The following RBPJ variants were observed in gnomAD, a reference collection of about 807,000 sequenced individuals.
RBPJ encodes the protein recombining binding protein suppressor of hairless.
RBPJ carries 9 observed loss-of-function variants against 67.8 expected under a neutral mutation model. The observed-to-expected ratio is 0.13, with a 90% CI of 0.08 to 0.23. The LOEUF is 0.23. Ranked by LOEUF, RBPJ falls within the 10% of genes least tolerant of loss-of-function variation. The probability of loss-of-function intolerance (pLI) is 1.00; values close to 1 mark genes in which losing one functional copy is unlikely to be tolerated. For synonymous variants in RBPJ, 198 were observed against 203.3 expected, an observed-to-expected ratio of 0.97 and a Z score of 0.22; for missense variants, 305 against 595.6, an observed-to-expected ratio of 0.51 and a Z score of 5.08.
chr4:26,194,295 C>T (rs192063768), intron 1 of RBPJ, among the ~76,000 whole-genome samples: 10 of 152,232 alleles, frequency 6.6e-5, no homozygotes, highest in African/African-American at 9.6e-5. Context: ...ATTTGAGCCC[C>T]GGGTAAGAAA....
the RBPJ span, among the ~76,000 whole-genome samples, chr4:26,144,467 G>C: frequency 6.6e-6 from 1 of 151,602 alleles, no homozygotes; most frequent in African/African-American, 2.4e-5. Context: ...ATGGGTTTTC[G>C]CCTTGTTGGC....
Position 26,214,736 on chromosome 4 carries a change from AAG to A in RBPJ, c.-167+51132_-167+51133del, listed in dbSNP as rs1439635851. Among the ~76,000 whole-genome samples, 176 of 127,706 alleles carry A rather than the reference AAG, an allele frequency of 1.4e-3. 5 individuals are homozygous for A. Among genetic ancestry groups the A allele is most frequent in the African/African-American group, 4.9e-3 (162 of 33,346 alleles). 83.8% of individuals were successfully genotyped at this position (127,706 alleles called of 152,430 possible). A position where few individuals can be genotyped will look rare whatever the true frequency, so the allele number is the denominator to read the frequency against. On this transcript the variant is annotated intron_variant, in intron 1 of 4. Coordinates refer to the RBPJ transcript ENST00000512351. ...AGGAGAGAGAGAGAAAGAAAGAGGG[AAG>A]AGAGAGAGAAAGAGAAAAAGAGAGA...
chr4:26,385,822 A>C (rs1730859959), intron 1 of RBPJ, among the ~76,000 whole-genome samples: 1 of 145,644 alleles, frequency 6.9e-6, no homozygotes, highest in Non-Finnish European at 1.5e-5. Flanking sequence ...TATTTTTTTG[A>C]GACAGAGTCT....
At chr4:26,407,991 C>G (rs1427708372) in intron 3 of RBPJ, among the ~76,000 whole-genome samples, 1 of 147,392 alleles carries the variant, frequency 6.8e-6, no homozygotes, top group Non-Finnish European at 1.5e-5. Flanking sequence ...CCTCCCACCT[C>G]AGCCACCTGA....
the RBPJ span, among the ~76,000 whole-genome samples, chr4:26,124,481 C>T: frequency 1.6e-5 from 2 of 123,206 alleles, no homozygotes; most frequent in African/African-American, 3.1e-5. Context: ...TTTATCCACT[C>T]GTTGATTAAT....
chr4:26,147,660 G>T, the RBPJ span, among the ~76,000 whole-genome samples: 1 of 151,938 alleles, frequency 6.6e-6, no homozygotes, highest in Non-Finnish European at 1.5e-5. Context: ...TCGCTCTGTC[G>T]CAGGCTGGAG....
In RBPJ at chr4:26,195,146, A is replaced by T. The variant is rs555023283; in HGVS notation, c.-167+31532A>T. On this transcript the variant is annotated intron_variant, in intron 1 of 4. Transcript: ENST00000512351. ...AACACTGGGAGGTCAAGGTGGGAGG[A>T]TCCCTTGAAGCCGAGAGTTCAAGAC... Among the ~76,000 whole-genome samples, 9 of 152,312 alleles carry T rather than the reference A, an allele frequency of 5.9e-5. No individual in the cohort carries two copies. In the East Asian group the frequency reaches 1.5e-3, roughly 26 times the overall value.
intron 7 of RBPJ, among the ~76,000 whole-genome samples, chr4:26,426,241 T>C (rs1735658377): frequency 6.6e-6 from 1 of 152,212 alleles, no homozygotes; most frequent in African/African-American, 2.4e-5. Context: ...TGTTAAATGC[T>C]TGTACTGCAG....
chr4:26,201,384 A>T (rs544338773), intron 1 of RBPJ, among the ~76,000 whole-genome samples: 1 of 152,332 alleles, frequency 6.6e-6, no homozygotes, highest in Non-Finnish European at 1.5e-5. Context: ...ACTCAAGCAT[A>T]AAGAGCTTTA....
intron 1 of RBPJ, among the ~76,000 whole-genome samples, chr4:26,267,809 T>G (rs1204448660): frequency 6.6e-6 from 1 of 152,046 alleles, no homozygotes; most frequent in Non-Finnish European, 1.5e-5. Context: ...GGTTTCACCA[T>G]GTTAGCCAGG....
chr4:26,201,380 G>A (rs866518805), intron 1 of RBPJ, among the ~76,000 whole-genome samples: 2 of 152,136 alleles, frequency 1.3e-5, no homozygotes, highest in South Asian at 2.1e-4. Flanking sequence ...TGGTACTCAA[G>A]CATAAAGAGC....
At chr4:26,173,138 C>CT (rs1716656096) in intron 1 of RBPJ, among the ~76,000 whole-genome samples, 1 of 151,964 alleles carries the variant, frequency 6.6e-6, no homozygotes, top group African/African-American at 2.4e-5. Context: ...TTTTTTCTTT[C>CT]TTTTTTTCTT....
At chr4:26,402,662 G>A (rs1215015250) in intron 2 of RBPJ, among the ~76,000 whole-genome samples, 1 of 152,130 alleles carries the variant, frequency 6.6e-6, no homozygotes, top group Non-Finnish European at 1.5e-5. Flanking sequence ...CCTGAGGCTG[G>A]TTTCAGTTCT....
At chr4:26,114,589 G>C in the RBPJ span, among the ~76,000 whole-genome samples, 6 of 151,082 alleles carry the variant, frequency 4.0e-5, no homozygotes, top group Non-Finnish European at 8.8e-5. Flanking sequence ...TTTCCATATT[G>C]CAACCCAACA....
intron 2 of RBPJ, 25 bp from the exon 3 acceptor site, chr4:26,406,150 C>T (rs1388341236): frequency 7.0e-7 from 1 of 1,421,572 alleles, no homozygotes; most frequent in South Asian, 1.2e-5. Flanking sequence ...ACCTCTGTAA[C>T]AGTAATATTT....
intron 1 of RBPJ, among the ~76,000 whole-genome samples, chr4:26,262,604 A>G (rs2069464178): frequency 1.3e-5 from 2 of 152,074 alleles, no homozygotes; most frequent in African/African-American, 4.8e-5. Flanking sequence ...GGATTCCTGG[A>G]GAGTCCATCC....
intron 1 of RBPJ, among the ~76,000 whole-genome samples, chr4:26,176,080 A>G (rs1037082807): frequency 2.0e-5 from 3 of 152,238 alleles, no homozygotes; most frequent in African/African-American, 7.2e-5. Context: ...ATGTTAGATA[A>G]ACAACAAATA....
At position 26,424,432 on chromosome 4, in the gene RBPJ, A is replaced by G. The variant is rs1372241515; in HGVS notation, c.587A>G (p.Asn196Ser). The part of the protein sequence containing the change: ...STRYLHVEGG[N>S]FHASSQQWGA... ...AGATACTTGCATGTAGAAGGAGGTAATTTTCATGCCAGTTCACAGCAGTGG... is the reference window on the plus strand; with the variant it reads ...AGATACTTGCATGTAGAAGGAGGTAGTTTTCATGCCAGTTCACAGCAGTGG... Residue 196 changes from asparagine to serine, a missense_variant, in exon 6 of 11, where the codon AAT (asparagine) becomes AGT (serine). Asn to Ser is a conservative substitution (Grantham distance 46, BLOSUM62 1). Around this residue, in one of 7 missense-constraint regions of RBPJ, gnomAD observed 66 missense variants for 226.0 expected, o/e 0.29. Coordinates refer to ENST00000355476, the MANE Select transcript of RBPJ (RefSeq NM_015874.6). The surrounding 1 kb of genome is among the most constrained non-coding windows in gnomAD (Gnocchi z 5.3). The G allele has an allele frequency of 4.3e-6, 7 of 1,613,914 alleles. No homozygotes were observed. The highest frequency in any genetic ancestry group is 1.6e-4 in the Middle Eastern group (1 of 6,080).
At chr4:26,370,862 C>T (rs1285354328) in intron 1 of RBPJ, among the ~76,000 whole-genome samples, 3 of 152,024 alleles carry the variant, frequency 2.0e-5, no homozygotes, top group Admixed American at 6.6e-5. Context: ...CGGCAGATCA[C>T]GAGATAAGGA....
Sources: allele counts gnomAD v4.1 joint callset (sites outside exome capture counted in the v4.1 genomes callset), GRCh38; gene constraint gnomAD v4.1.1; regional missense constraint gnomAD v4.1.1; non-coding constraint Gnocchi (gnomAD v3.1); transcripts MANE v1.5; gene names NCBI Gene and HGNC (gene_info 2026-07-23, HGNC 2026-07-21).